ADAMTS14: variants seen among roughly 807,000 people sequenced by gnomAD.
ADAMTS14 encodes the protein ADAM metallopeptidase with thrombospondin type 1 motif 14.
Under a neutral mutation model 128.6 loss-of-function variants are expected in ADAMTS14, and 100 were observed. That is an observed-to-expected ratio of 0.78 (90% confidence interval 0.66 to 0.92). ADAMTS14 has a LOEUF of 0.92. Ranked by LOEUF, ADAMTS14 falls within the 40% of genes least tolerant of loss-of-function variation. The pLI, the probability that ADAMTS14 is intolerant of heterozygous loss-of-function variation, is 0.00. For synonymous variants in ADAMTS14, 665 were observed against 653.8 expected (o/e 1.02, Z -0.26); for missense variants, 1,562 against 1,658.6 (o/e 0.94, Z 1.01).
chr10:70,734,545 C>G (rs1589315021), intron 8 of ADAMTS14, among the ~76,000 whole-genome samples: 1 of 152,160 alleles, frequency 6.6e-6, no homozygotes, highest in South Asian at 2.1e-4. Flanking sequence ...GAGGAGGGAG[C>G]TCCTCCTCTC....
intron 3 of ADAMTS14, 45 bp from the exon 4 acceptor site, chr10:70,708,543 C>A (rs1333468141): frequency 6.5e-7 from 1 of 1,537,878 alleles, no homozygotes. Context: ...CAGTGACAGC[C>A]CCTCCTGTGG....
chr10:70,677,212 T>C (rs554040170), intron 2 of ADAMTS14, among the ~76,000 whole-genome samples: 1 of 152,118 alleles, frequency 6.6e-6, no homozygotes, highest in Non-Finnish European at 1.5e-5. Context: ...GTAGCATATA[T>C]GGTGACAAGT....
At chr10:70,722,981 A>G (rs1311098415) in intron 4 of ADAMTS14, among the ~76,000 whole-genome samples, 1 of 152,190 alleles carries the variant, frequency 6.6e-6, no homozygotes, top group Non-Finnish European at 1.5e-5. Flanking sequence ...GAAATCAGGG[A>G]GCAGAGGGTA....
chr10:70,705,720 C>T (rs1840644851), intron 3 of ADAMTS14, among the ~76,000 whole-genome samples: 1 of 152,226 alleles, frequency 6.6e-6, no homozygotes. Flanking sequence ...TGCCTGGCTT[C>T]TTTCACTCAG....
chr10:70,751,382 C>A, intron 16 of ADAMTS14, 96 bp from the exon 17 acceptor site: 1 of 1,260,298 alleles, frequency 7.9e-7, no homozygotes, highest in Non-Finnish European at 1.1e-6. Flanking sequence ...AGGTTCTGCT[C>A]CGACCCTAAG....
chr10:70,744,478 G>A (rs1842113554), intron 14 of ADAMTS14, among the ~76,000 whole-genome samples: 1 of 152,238 alleles, frequency 6.6e-6, no homozygotes, highest in Non-Finnish European at 1.5e-5. Context: ...CTTGGACCTT[G>A]GGACTATTGG....
chr10:70,712,345 G>A (rs1324468927), intron 4 of ADAMTS14, among the ~76,000 whole-genome samples: 1 of 152,190 alleles, frequency 6.6e-6, no homozygotes, highest in Admixed American at 6.5e-5. Flanking sequence ...AAGACCCCAG[G>A]ACTGTAAGCC....
chr10:70,720,738 CCA>C (rs2132645220), intron 4 of ADAMTS14, among the ~76,000 whole-genome samples: 1 of 152,292 alleles, frequency 6.6e-6, no homozygotes, highest in South Asian at 2.1e-4. Context: ...ATACGGGTAC[CCA>C]CACACAAGCA....
chr10:70,750,557 T>C lies in ADAMTS14; in HGVS notation c.2427+572T>C, dbSNP rs377628869. On this transcript the variant is annotated intron_variant, in intron 16 of 21. Coordinates refer to ENST00000373207, the MANE Select transcript of ADAMTS14 (RefSeq NM_080722.4). ...AGCACTGGCTGGTGGCAGGGTTACC[T>C]TGGATGGGCTTTGTTCCTGGTGTCA... is the stretch of plus-strand genomic sequence containing the variant. Among the ~76,000 whole-genome samples the C allele has an allele frequency of 2.6e-5, 4 of 152,322 alleles. No individual in the cohort carries two copies. In the East Asian group the frequency reaches 7.7e-4, roughly 29 times the overall value.
At chr10:70,743,176 GA>G (rs377268964) in intron 12 of ADAMTS14, among the ~76,000 whole-genome samples, 255 of 152,312 alleles carry the variant, frequency 1.7e-3, no homozygotes, top group African/African-American at 5.9e-3. Flanking sequence ...GTTAATTCAT[GA>G]AAAGCCATTA....
chr10:70,712,647 G>A (rs902936180), intron 4 of ADAMTS14, among the ~76,000 whole-genome samples: 4 of 152,028 alleles, frequency 2.6e-5, no homozygotes, highest in Admixed American at 1.3e-4. Context: ...ACCTGCCTGC[G>A]TGCAGACAGG....
chr10:70,710,345 T>A (rs1840809515), intron 4 of ADAMTS14, among the ~76,000 whole-genome samples: 1 of 152,186 alleles, frequency 6.6e-6, no homozygotes, highest in Non-Finnish European at 1.5e-5. Flanking sequence ...CTGAAGAATT[T>A]GAGTGAGGCC....
chr10:70,709,615 C>T (rs1396239057), intron 4 of ADAMTS14, among the ~76,000 whole-genome samples: 2 of 150,248 alleles, frequency 1.3e-5, no homozygotes, highest in Non-Finnish European at 2.9e-5. Flanking sequence ...ATTCTCCTGC[C>T]TCAGCCTCCC....
Position 70,674,557 on chromosome 10 carries a change from G to A in ADAMTS14, c.84G>A (p.Glu28=), listed in dbSNP as rs1839581323. The A allele has an allele frequency of 2.5e-6, 4 of 1,609,542 alleles. No homozygotes were observed. The highest frequency in any genetic ancestry group is 3.3e-4 in the Middle Eastern group (2 of 6,068). The change falls in exon 2 of 22, where the codon GAG becomes GAA. Residue 28 remains glutamate, a splice_region_variant and synonymous_variant. Coordinates refer to ENST00000373207, the MANE Select transcript of ADAMTS14 (RefSeq NM_080722.4). The part of the protein sequence containing the change: ...LCAAAGSRTP[E]LHLSGKLSDY... ...TGACTCTTTGTTTACCTCCAACAGA[G>A]CTGCACCTCTCTGGAAAGCTCAGTG...
At chr10:70,742,351 G>A (rs12220199) in intron 12 of ADAMTS14, among the ~76,000 whole-genome samples, 2 of 150,596 alleles carry the variant, frequency 1.3e-5, no homozygotes, top group East Asian at 3.9e-4. Flanking sequence ...TGGAGGTTGT[G>A]GCTTCCGTTG....
intron 1 of ADAMTS14, 93 bp downstream of exon 1, chr10:70,672,977 C>T: frequency 7.4e-7 from 1 of 1,344,772 alleles, no homozygotes; most frequent in Non-Finnish European, 9.5e-7. Flanking sequence ...GGGCAGGGTT[C>T]CCGCGGGTGG....
intron 1 of ADAMTS14, among the ~76,000 whole-genome samples, chr10:70,674,055 T>G (rs1333385604): frequency 1.3e-5 from 2 of 152,202 alleles, no homozygotes; most frequent in Non-Finnish European, 2.9e-5. Context: ...CACCTTCTCC[T>G]TGACACGTGC....
chr10:70,724,859 G>T (rs932607049), intron 4 of ADAMTS14, among the ~76,000 whole-genome samples: 1 of 152,042 alleles, frequency 6.6e-6, no homozygotes, highest in African/African-American at 2.4e-5. Context: ...TATAAGAAAA[G>T]ACCCAACTGT....
intron 4 of ADAMTS14, among the ~76,000 whole-genome samples, chr10:70,713,299 C>T (rs1840918053): frequency 6.9e-6 from 1 of 144,700 alleles, no homozygotes. Context: ...GGGTGCTGTG[C>T]TACCTCTGTG....
Sources: allele counts gnomAD v4.1 joint callset (sites outside exome capture counted in the v4.1 genomes callset), GRCh38; gene constraint gnomAD v4.1.1; transcripts MANE v1.5; gene names NCBI Gene and HGNC (gene_info 2026-07-23, HGNC 2026-07-21).